The following CABYR variants were observed in gnomAD, a reference collection of about 807,000 sequenced individuals.
The protein encoded by CABYR is calcium-binding tyrosine phosphorylation-regulated protein.
In CABYR, 31 loss-of-function variants were observed where a neutral mutation model predicts 36.1. The observed-to-expected ratio is 0.86, with a 90% CI of 0.64 to 1.16. The LOEUF (loss-of-function observed/expected upper bound fraction) is 1.16, where lower values mean the gene tolerates loss of function less well. Among genes scored for constraint, CABYR ranks in the 50% most tolerant of loss-of-function variants. The pLI, the probability that CABYR is intolerant of heterozygous loss-of-function variation, is 0.00. For synonymous variants in CABYR, 146 were observed against 160.7 expected, an observed-to-expected ratio of 0.91 and a Z score of 0.69; for missense variants, 429 against 455.8, an observed-to-expected ratio of 0.94 and a Z score of 0.53.
rs181335711 is a variant in CABYR, at chr18:24,146,393, T to C, written c.199+2980T>C. 5.3e-5 allele frequency among the ~76,000 whole-genome samples: 8 copies of C among 152,222 alleles called. No homozygotes were observed. In the East Asian group the frequency reaches 1.5e-3, roughly 29 times the overall value. On this transcript the variant is annotated intron_variant, in intron 3 of 5. Coordinates refer to ENST00000399496, the MANE Select transcript of CABYR (RefSeq NM_153769.3). ...AATAGAAAACAATGTAAGAGATGTA[T>C]ATGGAACATTGTCAAAAGGTCTGTG...
intron 3 of CABYR, among the ~76,000 whole-genome samples, chr18:24,145,279 G>A (rs1260937864): frequency 2.0e-5 from 3 of 152,158 alleles, no homozygotes; most frequent in Non-Finnish European, 2.9e-5. Flanking sequence ...CTATGATAGA[G>A]AAGCCAGTAT....
chr18:24,143,028 A>C (rs1377728986), intron 1 of CABYR, 63 bp from the exon 2 acceptor site: 1 of 1,247,796 alleles, frequency 8.0e-7, no homozygotes, highest in Non-Finnish European at 1.1e-6. Context: ...GTCTCAAAAA[A>C]AAAAAAAAAA....
chr18:24,160,153 A>ATAT, intron 5 of CABYR, 84 bp downstream of exon 5: 2 of 971,824 alleles, frequency 2.1e-6, no homozygotes, highest in Non-Finnish European at 3.1e-6. Context: ...GGAGATTTAG[A>ATAT]TATTTAAAAA....
intron 3 of CABYR, among the ~76,000 whole-genome samples, chr18:24,151,497 G>A (rs1173496041): frequency 6.6e-6 from 1 of 152,184 alleles, no homozygotes; most frequent in African/African-American, 2.4e-5. Context: ...TTACAAGTCA[G>A]CGACTGTTGT....
intron 3 of CABYR, among the ~76,000 whole-genome samples, chr18:24,144,043 G>A (rs756017500): frequency 1.7e-4 from 26 of 151,998 alleles, no homozygotes; most frequent in Admixed American, 4.6e-4. Context: ...GACTCCAGGC[G>A]CCCACCAGCA....
chr18:24,159,683 CACCAAGAAG>C lies in CABYR; in HGVS notation c.758_766del (p.Lys253_Thr255del). The C allele has an allele frequency of 6.2e-7, 1 of 1,614,060 alleles. No individual in the cohort carries two copies. The highest frequency in any genetic ancestry group is 8.5e-7 in the Non-Finnish European group (1 of 1,180,022). ...CTTTTCCAACTTATGTGATGGGCGA[CACCAAGAAG>C]ACCAGTGCCCCACCTTTTATCTTAG... On this transcript the variant is annotated inframe_deletion, in exon 5 of 6. Coordinates refer to ENST00000399496, the MANE Select transcript of CABYR (RefSeq NM_153769.3).
Position 24,143,074 on chromosome 18 carries a change from C to G in CABYR, c.-24-17C>G, listed in dbSNP as rs766392433. On this transcript the variant is annotated splice_polypyrimidine_tract_variant and intron_variant, in intron 1 of 5. Coordinates refer to ENST00000399496, the MANE Select transcript of CABYR (RefSeq NM_153769.3). ...TTAGTAAAACTAATTACTTCTAAGACTTTTTCTTCATTCTAGTTGAGTTAC... is the reference window on the plus strand; with the variant it reads ...TTAGTAAAACTAATTACTTCTAAGAGTTTTTCTTCATTCTAGTTGAGTTAC... 1.5e-6 allele frequency: 2 copies of G among 1,295,698 alleles called. No individual in the cohort carries two copies. Among genetic ancestry groups the G allele is most frequent in the Non-Finnish European group, 2.1e-6 (2 of 946,716 alleles). 80.3% of individuals were successfully genotyped at this position (1,295,698 alleles called of 1,614,324 possible). A position where few individuals can be genotyped will look rare whatever the true frequency, so the allele number is the denominator to read the frequency against.
intron 3 of CABYR, among the ~76,000 whole-genome samples, chr18:24,150,183 CTGCA>C: frequency 6.6e-6 from 1 of 152,360 alleles, no homozygotes; most frequent in East Asian, 1.9e-4. Flanking sequence ...AGATGCCAAA[CTGCA>C]TTTGGTGTTG....
intron 4 of CABYR, chr18:24,157,130 C>T (rs1045697191): frequency 4.5e-6 from 3 of 662,480 alleles, no homozygotes; most frequent in Non-Finnish European, 2.6e-6. Flanking sequence ...AATGCCAAAG[C>T]CATTTAAAGA....
rs62089648 is a variant in CABYR, at chr18:24,160,500, G to A, written c.1139+431G>A. Among the ~76,000 whole-genome samples the A allele has an allele frequency of 4.7e-3, 718 of 152,324 alleles. 3 individuals are homozygous for A. The highest frequency in any genetic ancestry group is 0.034 in the Middle Eastern group (10 of 294). Reference sequence around the variant, plus strand: ...TTATGTAACAGAACACTTAATCCACGTGGTAAGAGGCAGTAGATGGAGAGG... The same window carrying A: ...TTATGTAACAGAACACTTAATCCACATGGTAAGAGGCAGTAGATGGAGAGG... On this transcript the variant is annotated intron_variant, in intron 5 of 5. Coordinates refer to ENST00000399496, the MANE Select transcript of CABYR (RefSeq NM_153769.3).
chr18:24,161,419 G>C, intron 5 of CABYR, 97 bp from the exon 6 acceptor site: 1 of 736,408 alleles, frequency 1.4e-6, no homozygotes, highest in East Asian at 2.5e-5. Flanking sequence ...TAACAGAGCA[G>C]GAGGGTAGAC....
intron 3 of CABYR, among the ~76,000 whole-genome samples, chr18:24,146,226 T>C (rs1286349705): frequency 6.6e-6 from 1 of 152,178 alleles, no homozygotes; most frequent in African/African-American, 2.4e-5. Flanking sequence ...GATGCAGAAC[T>C]TCAACAGAGT....
At chr18:24,143,737 C>T (rs931404235) in intron 3 of CABYR, among the ~76,000 whole-genome samples, 1 of 152,162 alleles carries the variant, frequency 6.6e-6, no homozygotes, top group Middle Eastern at 3.4e-3. Context: ...GGTCTTGCCT[C>T]GTTGCCCAGG....
At chr18:24,150,008 C>T (rs1008259455) in intron 3 of CABYR, among the ~76,000 whole-genome samples, 1 of 152,284 alleles carries the variant, frequency 6.6e-6, no homozygotes, top group Non-Finnish European at 1.5e-5. Flanking sequence ...TCCCACAGTG[C>T]AGCGGTGGGC....
rs372515068 is a variant in CABYR, at chr18:24,158,582, T to G, written c.542-890T>G. On this transcript the variant is annotated intron_variant, in intron 4 of 5. Transcript: ENST00000399496. The stretch of plus-strand genomic sequence containing the variant: ...ATCCACCCTCCTCGGCCTCCCAAAG[T>G]GCTGGGATTACAGGCGTGAGCCACT... 3.3e-5 allele frequency among the ~76,000 whole-genome samples: 5 copies of G among 152,218 alleles called. No individual in the cohort carries two copies. In the South Asian group the frequency reaches 1.0e-3, roughly 32 times the overall value.
intron 3 of CABYR, among the ~76,000 whole-genome samples, chr18:24,154,839 T>G (rs896784285): frequency 2.0e-5 from 3 of 152,204 alleles, no homozygotes; most frequent in African/African-American, 7.2e-5. Context: ...TTCCAACCCA[T>G]GAGAATTTTC....
intron 3 of CABYR, among the ~76,000 whole-genome samples, chr18:24,153,937 T>TA (rs1012623709): frequency 4.6e-5 from 7 of 151,840 alleles, no homozygotes; most frequent in Admixed American, 4.6e-4. Flanking sequence ...ACCCTGTCTC[T>TA]ACTAAAAATA....
intron 4 of CABYR, chr18:24,156,734 A>G: frequency 6.2e-7 from 1 of 1,614,222 alleles, no homozygotes; most frequent in Non-Finnish European, 8.5e-7. Context: ...CTATCAAAAT[A>G]GGCTCTGAAA....
chr18:24,149,818 G>A (rs1452896827), intron 3 of CABYR, among the ~76,000 whole-genome samples: 1 of 152,242 alleles, frequency 6.6e-6, no homozygotes, highest in Non-Finnish European at 1.5e-5. Context: ...CTCATTGCCC[G>A]GGGCTGGCAG....
Sources: gnomAD v4.1 joint callset for allele counts (sites outside exome capture counted in the v4.1 genomes callset) on GRCh38, gnomAD v4.1.1 for gene constraint, MANE v1.5 for transcripts, NCBI Gene and HGNC (gene_info 2026-07-23, HGNC 2026-07-21) for gene names.